Variants in CADPS observed in about 807,000 individuals in gnomAD.
The protein encoded by CADPS is calcium dependent secretion activator, also known as calcium-dependent secretion activator 1.
CADPS carries 57 observed loss-of-function variants against 167.3 expected under a neutral mutation model. The ratio of observed to expected loss-of-function variants is 0.34; its 90% CI spans 0.28 to 0.42. The LOEUF is 0.42. CADPS is among the 20% of genes least tolerant of loss of function. The pLI is 1.00. For synonymous variants in CADPS, 676 were observed against 635.3 expected (o/e 1.06, Z -0.96); for missense variants, 1,414 against 1,738.1 (o/e 0.81, Z 3.32).
chr3:62,808,788 T>C (rs925918136), intron 1 of CADPS, among the ~76,000 whole-genome samples: 1 of 152,136 alleles, frequency 6.6e-6, no homozygotes, highest in African/African-American at 2.4e-5. Context: ...GACCTTCCAC[T>C]AAGCACTAGA....
intron 1 of CADPS, among the ~76,000 whole-genome samples, chr3:62,833,309 G>A (rs2075395038): frequency 6.6e-6 from 1 of 151,810 alleles, no homozygotes; most frequent in South Asian, 2.1e-4. Flanking sequence ...ACCATGCCTG[G>A]CTAACTTATT....
intron 21 of CADPS, among the ~76,000 whole-genome samples, chr3:62,488,947 A>C (rs2151018597): frequency 6.6e-6 from 1 of 152,354 alleles, no homozygotes; most frequent in Non-Finnish European, 1.5e-5. Context: ...TCAGGTTATT[A>C]TTCGCAACTA....
At chr3:62,807,620 T>C (rs2094169608) in intron 1 of CADPS, among the ~76,000 whole-genome samples, 1 of 152,140 alleles carries the variant, frequency 6.6e-6, no homozygotes, top group East Asian at 1.9e-4. Context: ...TTTTTCAATA[T>C]TTTTATTTTA....
chr3:62,679,296 A>ACGCACACTG (rs1046626806), intron 3 of CADPS, among the ~76,000 whole-genome samples: 2 of 152,016 alleles, frequency 1.3e-5, no homozygotes, highest in African/African-American at 4.8e-5. Flanking sequence ...TACAGGTTAA[A>ACGCACACTG]CGCACACTGA....
At chr3:62,824,948 G>T (rs1164483415) in intron 1 of CADPS, among the ~76,000 whole-genome samples, 1 of 152,062 alleles carries the variant, frequency 6.6e-6, no homozygotes, top group African/African-American at 2.4e-5. Flanking sequence ...GATGAAGTCA[G>T]CTTTACATAC....
chr3:62,766,434 A>G (rs2086881257), intron 1 of CADPS, among the ~76,000 whole-genome samples: 1 of 152,086 alleles, frequency 6.6e-6, no homozygotes, highest in Non-Finnish European at 1.5e-5. Context: ...CAAATGCTAC[A>G]AAACAGTTTT....
At chr3:62,743,906 A>G (rs1296269303) in intron 3 of CADPS, among the ~76,000 whole-genome samples, 1 of 152,192 alleles carries the variant, frequency 6.6e-6, no homozygotes, top group Non-Finnish European at 1.5e-5. Flanking sequence ...AGCAAAATAC[A>G]TACATATCTA....
At chr3:62,466,936 G>T (rs1055552228) in intron 24 of CADPS, among the ~76,000 whole-genome samples, 2 of 152,112 alleles carry the variant, frequency 1.3e-5, no homozygotes, top group African/African-American at 4.8e-5. Flanking sequence ...TCCAAGTCTT[G>T]ACTCAGTATA....
chr3:62,576,408 T>C (rs750303351), intron 8 of CADPS, among the ~76,000 whole-genome samples: 6 of 152,086 alleles, frequency 3.9e-5, no homozygotes, highest in Non-Finnish European at 8.8e-5. Context: ...GGGGGTGATA[T>C]GTGTCAAGAG....
intron 3 of CADPS, among the ~76,000 whole-genome samples, chr3:62,695,165 G>A (rs2080031893): frequency 6.6e-6 from 1 of 152,076 alleles, no homozygotes; most frequent in South Asian, 2.1e-4. Context: ...AAAGATAGAT[G>A]TGATGATTGC....
intron 3 of CADPS, among the ~76,000 whole-genome samples, chr3:62,709,995 G>C (rs2083083923): frequency 1.3e-5 from 2 of 151,950 alleles, no homozygotes; most frequent in South Asian, 4.2e-4. Flanking sequence ...TGGATCACTT[G>C]AACTCAAGTG....
chr3:62,533,407 G>C (rs912031189), intron 12 of CADPS, among the ~76,000 whole-genome samples: 2 of 152,142 alleles, frequency 1.3e-5, no homozygotes, highest in African/African-American at 2.4e-5. Flanking sequence ...AAGGAGTATT[G>C]GGGTGGGGAT....
chr3:62,528,864 G>A (rs1340225786), intron 13 of CADPS, among the ~76,000 whole-genome samples: 3 of 152,126 alleles, frequency 2.0e-5, no homozygotes, highest in African/African-American at 7.2e-5. Flanking sequence ...GCAAATGTTT[G>A]GAAGCACTTT....
At chr3:62,725,364 G>A (rs568574554) in intron 3 of CADPS, among the ~76,000 whole-genome samples, 2 of 152,314 alleles carry the variant, frequency 1.3e-5, no homozygotes, top group Admixed American at 6.5e-5. Flanking sequence ...ACTGGACAGT[G>A]CAGGTTTAGA....
chr3:62,784,721 A>G (rs571697533), intron 1 of CADPS, among the ~76,000 whole-genome samples: 1 of 151,034 alleles, frequency 6.6e-6, no homozygotes, highest in African/African-American at 2.4e-5. Context: ...TCTCCAAGAA[A>G]AATGATCTAG....
chr3:62,563,961 G>C lies in CADPS; in HGVS notation c.1645-6448C>G, dbSNP rs2079633401. 2.6e-5 allele frequency among the ~76,000 whole-genome samples: 4 copies of C among 152,070 alleles called. No homozygotes were observed. The South Asian group carries it at 8.3e-4, about 32-fold the overall frequency. On this transcript the variant is annotated intron_variant, in intron 9 of 29. Coordinates refer to ENST00000383710, the MANE Select transcript of CADPS (RefSeq NM_003716.4). ...CTTCAGGTGCCAGTCCTGTCTAAGT[G>C]CTAGGAGTTATTGAAGGCACTTGCA...
intron 3 of CADPS, among the ~76,000 whole-genome samples, chr3:62,725,403 A>T (rs2076556316): frequency 6.6e-6 from 1 of 152,174 alleles, no homozygotes; most frequent in South Asian, 2.1e-4. Flanking sequence ...AATCCTAACA[A>T]TAGTCTTCAG....
chr3:62,653,959 A>T (rs2070880353), intron 4 of CADPS, among the ~76,000 whole-genome samples: 1 of 152,038 alleles, frequency 6.6e-6, no homozygotes, highest in African/African-American at 2.4e-5. Context: ...GGGAAAGAGC[A>T]GGATGGATGC....
rs1021585883 is a variant in CADPS, at chr3:62,847,224, C to T, written c.441+27365G>A. 2.0e-5 allele frequency among the ~76,000 whole-genome samples: 3 copies of T among 150,254 alleles called. No individual in the cohort carries two copies. The East Asian group carries it at 5.9e-4, about 29-fold the overall frequency. On this transcript the variant is annotated intron_variant, in intron 1 of 29. Coordinates refer to ENST00000383710, the MANE Select transcript of CADPS (RefSeq NM_003716.4). ...TTTTTGACATGCCAAAATGTTCTTA[C>T]CCGCCACCTCCAGTTACCAAATCCC...
Sources: gnomAD v4.1 joint callset for allele counts (sites outside exome capture counted in the v4.1 genomes callset) on GRCh38, gnomAD v4.1.1 for gene constraint, MANE v1.5 for transcripts, NCBI Gene and HGNC (gene_info 2026-07-23, HGNC 2026-07-21) for gene names.